Variants in INPP5A observed in about 807,000 individuals in gnomAD.
INPP5A encodes the protein 43 kDa inositol polyphosphate 5-phophatase.
Under a neutral mutation model 65.2 loss-of-function variants are expected in INPP5A, and 14 were observed. The ratio of observed to expected loss-of-function variants is 0.21; its 90% CI spans 0.14 to 0.34. INPP5A has a LOEUF of 0.34. INPP5A is among the 10% of genes least tolerant of loss of function. INPP5A has a pLI of 1.00. For missense variants in INPP5A, 431 were observed against 545.6 expected (o/e 0.79, Z 2.09); for synonymous variants, 207 against 208.3 (o/e 0.99, Z 0.05).
intron 11 of INPP5A, among the ~76,000 whole-genome samples, chr10:132,754,307 G>A (rs751994321): frequency 1.1e-4 from 17 of 152,264 alleles, no homozygotes; most frequent in Non-Finnish European, 2.1e-4. Context: ...CGACGTGGGA[G>A]CAGCACGGTG....
intron 5 of INPP5A, among the ~76,000 whole-genome samples, chr10:132,695,019 C>T (rs928883464): frequency 2.6e-5 from 4 of 152,220 alleles, no homozygotes; most frequent in Middle Eastern, 3.4e-3. Flanking sequence ...AGAGGACAAA[C>T]GTCCTAAATC....
chr10:132,619,813 C>T (rs979375416), intron 2 of INPP5A, among the ~76,000 whole-genome samples: 2 of 152,172 alleles, frequency 1.3e-5, no homozygotes, highest in African/African-American at 4.8e-5. Flanking sequence ...CATGTACCAC[C>T]ACACCTGGCT....
chr10:132,658,649 G>T (rs1026640999), intron 4 of INPP5A, among the ~76,000 whole-genome samples: 27 of 152,130 alleles, frequency 1.8e-4, no homozygotes, highest in African/African-American at 6.5e-4. Flanking sequence ...CCCCCCGGGG[G>T]TGCTCATGGG....
chr10:132,740,349 G>A (rs958477448), intron 9 of INPP5A, among the ~76,000 whole-genome samples: 5 of 152,212 alleles, frequency 3.3e-5, no homozygotes, highest in African/African-American at 1.2e-4. Flanking sequence ...CCTCAGGCAC[G>A]TTCAGGGCAG....
chr10:132,722,668 C>T (rs1381597290), intron 8 of INPP5A, among the ~76,000 whole-genome samples: 1 of 152,240 alleles, frequency 6.6e-6, no homozygotes, highest in South Asian at 2.1e-4. Context: ...ACGAGCCCCC[C>T]AGCCGTCGCG....
At position 132,663,342 on chromosome 10, in the gene INPP5A, C is replaced by T. The variant is rs1387898309; in HGVS notation, c.306+12837C>T. Among the ~76,000 whole-genome samples, 3 of 152,092 alleles carry T rather than the reference C, an allele frequency of 2.0e-5. No homozygotes were observed. Among genetic ancestry groups the T allele is most frequent in the African/African-American group, 7.2e-5 (3 of 41,402 alleles). On this transcript the variant is annotated intron_variant, in intron 4 of 15. Transcript: ENST00000368594. This position sits in a 1 kb window ranked among gnomAD's most constrained non-coding sequence, Gnocchi z 4.5. The stretch of plus-strand genomic sequence containing the variant: ...GCTCAAGTGATCCTGTGGCCTCAGC[C>T]TCCCAAGTAGCTGAGGATACAGGTG...
At chr10:132,721,524 C>T (rs369043813) in intron 8 of INPP5A, among the ~76,000 whole-genome samples, 39 of 149,290 alleles carry the variant, frequency 2.6e-4, no homozygotes, top group African/African-American at 8.7e-4. Flanking sequence ...GGGCCTTAGA[C>T]GGCTATCTTG....
intron 11 of INPP5A, among the ~76,000 whole-genome samples, chr10:132,755,175 G>C (rs905566463): frequency 5.9e-5 from 9 of 152,066 alleles, no homozygotes; most frequent in African/African-American, 2.2e-4. Flanking sequence ...GCGTGTGTGA[G>C]CATGTGTGAG....
intron 7 of INPP5A, 121 bp downstream of exon 7, chr10:132,708,486 GCTGCCTGACCCCCAC>G (rs778914454): frequency 2.5e-5 from 24 of 961,924 alleles, no homozygotes; most frequent in Middle Eastern, 4.1e-4. Flanking sequence ...AGGACCCCCA[GCTGCCTGACCCCCAC>G]CTGCCACTCT....
chr10:132,717,440 T>C (rs1845760485), intron 8 of INPP5A, among the ~76,000 whole-genome samples: 1 of 151,522 alleles, frequency 6.6e-6, no homozygotes, highest in Non-Finnish European at 1.5e-5. Context: ...CCAGGCACTT[T>C]GGGGGCTCTG....
At chr10:132,594,973 A>G (rs1291534404) in intron 1 of INPP5A, among the ~76,000 whole-genome samples, 2 of 152,238 alleles carry the variant, frequency 1.3e-5, no homozygotes, top group Admixed American at 1.3e-4. Context: ...ATTAAGAGTT[A>G]AAAAATAGGA....
At chr10:132,763,811 A>G (rs1169224991) in intron 11 of INPP5A, among the ~76,000 whole-genome samples, 2 of 152,000 alleles carry the variant, frequency 1.3e-5, no homozygotes, top group East Asian at 3.9e-4. Flanking sequence ...ACATGCCTGT[A>G]CACGCATAAA....
chr10:132,685,327 G>T (rs923859048), intron 4 of INPP5A, among the ~76,000 whole-genome samples: 1 of 152,236 alleles, frequency 6.6e-6, no homozygotes, highest in Non-Finnish European at 1.5e-5. Context: ...CTGTGGTCAC[G>T]CCCGCGACGC....
chr10:132,657,973 C>T (rs1270483685), intron 4 of INPP5A, among the ~76,000 whole-genome samples: 1 of 152,254 alleles, frequency 6.6e-6, no homozygotes, highest in Admixed American at 6.5e-5. Flanking sequence ...GCCCCAGCAC[C>T]TGCAGTCCCG....
At chr10:132,730,133 G>C (rs1189561578) in intron 9 of INPP5A, among the ~76,000 whole-genome samples, 1 of 152,226 alleles carries the variant, frequency 6.6e-6, no homozygotes, top group African/African-American at 2.4e-5. Flanking sequence ...CCCCACAGTA[G>C]CTGGTTTTAA....
intron 9 of INPP5A, among the ~76,000 whole-genome samples, chr10:132,744,841 A>G (rs1213482246): frequency 6.6e-6 from 1 of 152,116 alleles, no homozygotes; most frequent in Non-Finnish European, 1.5e-5. Flanking sequence ...ATTTCTATCC[A>G]CTGAGGAAGG....
chr10:132,656,177 G>A (rs569541420), intron 4 of INPP5A, among the ~76,000 whole-genome samples: 27 of 152,340 alleles, frequency 1.8e-4, no homozygotes, highest in Non-Finnish European at 3.7e-4. Flanking sequence ...GGGTGCAAGA[G>A]GAAAGACCCT....
At chr10:132,606,045 C>T (rs954556108) in intron 1 of INPP5A, among the ~76,000 whole-genome samples, 7 of 152,138 alleles carry the variant, frequency 4.6e-5, no homozygotes, top group African/African-American at 1.2e-4. Context: ...GTTACTGGGG[C>T]GAGGTGCACA....
At chr10:132,748,021 G>T (rs981886759) in intron 9 of INPP5A, among the ~76,000 whole-genome samples, 1 of 152,138 alleles carries the variant, frequency 6.6e-6, no homozygotes, top group Admixed American at 6.5e-5. Context: ...CTGCGCTCTG[G>T]CCTGGATGAC....
Sources: gnomAD v4.1 joint callset for allele counts (sites outside exome capture counted in the v4.1 genomes callset) on GRCh38, gnomAD v4.1.1 for gene constraint, Gnocchi (gnomAD v3.1) non-coding constraint, MANE v1.5 for transcripts, NCBI Gene and HGNC (gene_info 2026-07-23, HGNC 2026-07-21) for gene names.